TNFRSF19: variants seen among roughly 807,000 people sequenced by gnomAD.
TNFRSF19 encodes TNF receptor superfamily member 19.
A neutral mutation model predicts 46.4 loss-of-function variants in TNFRSF19; 27 were observed. That is an observed-to-expected ratio of 0.58 (90% CI 0.43 to 0.80). TNFRSF19 has a LOEUF of 0.80. Among genes scored for constraint, TNFRSF19 ranks in the 30% least tolerant of loss-of-function variants. The probability of loss-of-function intolerance (pLI) is 0.00; values close to 1 mark genes in which losing one functional copy is unlikely to be tolerated. For synonymous variants in TNFRSF19, 204 were observed against 205.0 expected, an observed-to-expected ratio of 1.00 and a Z score of 0.04; for missense variants, 511 against 530.8, an observed-to-expected ratio of 0.96 and a Z score of 0.37.
chr13:23,616,904 A>C (rs1002412881), intron 4 of TNFRSF19, among the ~76,000 whole-genome samples: 1 of 152,166 alleles, frequency 6.6e-6, no homozygotes, highest in Non-Finnish European at 1.5e-5. Flanking sequence ...AAAAATATTT[A>C]AATAGTAAAT....
At chr13:23,668,184 T>G in intron 8 of TNFRSF19, 102 bp downstream of exon 8, 1 of 1,060,036 alleles carries the variant, frequency 9.4e-7, no homozygotes, top group Non-Finnish European at 1.4e-6. Flanking sequence ...CATCACCTCT[T>G]AAATATTAAT....
chr13:23,596,807 C>T (rs1286650955), intron 3 of TNFRSF19, among the ~76,000 whole-genome samples: 1 of 152,206 alleles, frequency 6.6e-6, no homozygotes, highest in African/African-American at 2.4e-5. Context: ...ACATTCTTCT[C>T]AGCACCACAT....
At chr13:23,610,265 G>A (rs1238329604) in intron 3 of TNFRSF19, among the ~76,000 whole-genome samples, 3 of 152,176 alleles carry the variant, frequency 2.0e-5, no homozygotes, top group Non-Finnish European at 4.4e-5. Context: ...CCAACCTGTA[G>A]GTAGGACCCG....
chr13:23,613,542 C>T (rs776424619), intron 3 of TNFRSF19, among the ~76,000 whole-genome samples: 1 of 152,168 alleles, frequency 6.6e-6, no homozygotes, highest in Non-Finnish European at 1.5e-5. Flanking sequence ...TTGTACTTCT[C>T]CTCCTTCTTC....
At chr13:23,589,239 C>T (rs184988254) in intron 1 of TNFRSF19, among the ~76,000 whole-genome samples, 161 of 152,278 alleles carry the variant, frequency 1.1e-3, no homozygotes, top group African/African-American at 3.6e-3. Context: ...ATGTGTGGAT[C>T]TGTAAAAAAC....
intron 5 of TNFRSF19, among the ~76,000 whole-genome samples, chr13:23,631,300 A>G (rs1010638815): frequency 1.3e-5 from 2 of 152,186 alleles, no homozygotes; most frequent in Non-Finnish European, 2.9e-5. Flanking sequence ...AAAGCATTCT[A>G]AGGGTTTTCT....
chr13:23,581,445 C>T (rs1223977793), intron 1 of TNFRSF19, among the ~76,000 whole-genome samples: 1 of 150,568 alleles, frequency 6.6e-6, no homozygotes, highest in Non-Finnish European at 1.5e-5. Context: ...CGCGCCCGGC[C>T]GTCGATGTGC....
intron 4 of TNFRSF19, among the ~76,000 whole-genome samples, chr13:23,619,981 T>A (rs79206062): frequency 6.6e-6 from 1 of 152,244 alleles, no homozygotes; most frequent in Non-Finnish European, 1.5e-5. Flanking sequence ...GTTTGTTTAT[T>A]CTTTAGGTAA....
At chr13:23,642,241 T>C (rs1427101546) in intron 5 of TNFRSF19, among the ~76,000 whole-genome samples, 2 of 152,222 alleles carry the variant, frequency 1.3e-5, no homozygotes, top group African/African-American at 4.8e-5. Flanking sequence ...TAGTTGCAAG[T>C]CACTCATTCC....
intron 3 of TNFRSF19, among the ~76,000 whole-genome samples, chr13:23,605,184 A>G (rs1880426600): frequency 6.6e-6 from 1 of 152,242 alleles, no homozygotes. Context: ...GAAGATACAC[A>G]GATGGCAAAT....
In TNFRSF19 at chr13:23,594,236, G is replaced by A. The variant is rs1458954844; in HGVS notation, c.180+781G>A. 8.8e-6 allele frequency: 4 copies of A among 452,410 alleles called. No homozygotes were observed. In the Admixed American group the frequency reaches 9.4e-5, roughly 11 times the overall value. The allele number at this position is 452,410 out of a possible 1,614,324, so 28.0% of individuals were successfully genotyped here. A position where few individuals can be genotyped will look rare whatever the true frequency, so the allele number is the denominator to read the frequency against. On this transcript the variant is annotated intron_variant, in intron 3 of 9. Coordinates refer to ENST00000248484, the MANE Select transcript of TNFRSF19 (RefSeq NM_148957.4). The stretch of plus-strand genomic sequence containing the variant: ...TTTTTTCATACCCTAGTGGCATCTG[G>A]AACACCAGCGAGACAGAACCATTCA...
rs554144720 is a variant in TNFRSF19, at chr13:23,670,618, T to G, written c.1245+1521T>G. ...ATAAGAAAAGACTTAAGAATTAACC[T>G]AGCTGAGTGTAAGTCTCAAGAATGG... On this transcript the variant is annotated intron_variant, in intron 9 of 9. Transcript: ENST00000248484. 5.3e-5 allele frequency among the ~76,000 whole-genome samples: 8 copies of G among 152,346 alleles called. No homozygotes were observed. The South Asian group carries it at 1.4e-3, about 28-fold the overall frequency.
chr13:23,606,390 G>T (rs1880516178), intron 3 of TNFRSF19, among the ~76,000 whole-genome samples: 1 of 151,888 alleles, frequency 6.6e-6, no homozygotes, highest in Non-Finnish European at 1.5e-5. Context: ...ATTGAATGAG[G>T]AGCAATAAAA....
At chr13:23,609,135 G>A (rs572945954) in intron 3 of TNFRSF19, among the ~76,000 whole-genome samples, 102 of 152,166 alleles carry the variant, frequency 6.7e-4, no homozygotes, top group South Asian at 2.9e-3. Flanking sequence ...ATGACAGGTC[G>A]CTGAGCCATG....
Position 23,659,209 on chromosome 13 carries a change from C to T in TNFRSF19, c.605C>T (p.Pro202Leu), listed in dbSNP as rs539026813. Residue 202 changes from proline (P) to leucine (L), a missense_variant, in exon 6 of 10, where the codon CCC (proline) becomes CTC (leucine). Physicochemically the swap from Pro to Leu is moderately conservative, Grantham distance 98. Transcript: ENST00000248484. This position sits in a 1 kb window ranked among gnomAD's most constrained non-coding sequence, Gnocchi z 4.9. Reference protein sequence around the residue: ...YCKRQFMEKKPSWSLRSQDIQ... With the variant: ...YCKRQFMEKKLSWSLRSQDIQ... The stretch of plus-strand genomic sequence containing the variant: ...AAGAGACAGTTTATGGAGAAGAAAC[C>T]CAGCTGTAAGTTTTGAGCTCATTAC... The T allele has an allele frequency of 1.2e-5, 20 of 1,607,352 alleles. 1 individual carries two copies. In the South Asian group the frequency reaches 1.9e-4, roughly 15 times the overall value.
chr13:23,572,574 G>C (rs966586635), intron 1 of TNFRSF19, among the ~76,000 whole-genome samples: 1 of 152,150 alleles, frequency 6.6e-6, no homozygotes, highest in Non-Finnish European at 1.5e-5. Context: ...ACAAAACAAA[G>C]GGGAGAATTA....
chr13:23,570,993 T>G (rs557164639), intron 1 of TNFRSF19, 145 bp downstream of exon 1: 1 of 152,242 alleles, frequency 6.6e-6, no homozygotes, highest in East Asian at 1.9e-4. Context: ...GAATACTACA[T>G]GATGCTGAAT....
intron 3 of TNFRSF19, among the ~76,000 whole-genome samples, chr13:23,601,857 G>A (rs1477372576): frequency 1.3e-5 from 2 of 152,068 alleles, no homozygotes; most frequent in African/African-American, 4.8e-5. Context: ...GTTAAAACAA[G>A]TATAAAAAGA....
At chr13:23,594,426 G>A (rs9553007) in intron 3 of TNFRSF19, 72,010 of 306,786 alleles carry the variant, frequency 0.23, 9,415 homozygotes, top group African/African-American at 0.37. Flanking sequence ...GGGGAGGGGC[G>A]TCTGCCATTA....
Sources: gnomAD v4.1 joint callset for allele counts (sites outside exome capture counted in the v4.1 genomes callset) on GRCh38, gnomAD v4.1.1 for gene constraint, Gnocchi (gnomAD v3.1) non-coding constraint, MANE v1.5 for transcripts, NCBI Gene and HGNC (gene_info 2026-07-23, HGNC 2026-07-21) for gene names.